The following CELF2 variants were observed in gnomAD, a reference collection of about 807,000 sequenced individuals.
The protein encoded by CELF2 is CUG triplet repeat RNA-binding protein 2.
CELF2 carries 8 observed loss-of-function variants against 62.6 expected under a neutral mutation model. The observed-to-expected ratio is 0.13, with a 90% CI of 0.07 to 0.23. The LOEUF (loss-of-function observed/expected upper bound fraction) is 0.23. Among genes scored for constraint, CELF2 ranks in the 10% least tolerant of loss-of-function variants. The probability of loss-of-function intolerance (pLI) is 1.00; values close to 1 mark genes in which losing one functional copy is unlikely to be tolerated. For missense variants in CELF2, 333 were observed against 671.0 expected (o/e 0.50, Z 5.56); for synonymous variants, 258 against 250.0 (o/e 1.03, Z -0.30).
At chr10:10,556,928 T>C in the CELF2 span, among the ~76,000 whole-genome samples, 2 of 140,864 alleles carry the variant, frequency 1.4e-5, no homozygotes, top group African/African-American at 5.4e-5. Flanking sequence ...AGATTCTGGA[T>C]ATTAGCCCTT....
At chr10:10,849,133 A>C (rs2059208882) in intron 1 of CELF2, among the ~76,000 whole-genome samples, 2 of 152,166 alleles carry the variant, frequency 1.3e-5, no homozygotes, top group South Asian at 4.1e-4. Context: ...ATGGTGGCTC[A>C]CGTCTGTAAT....
At chr10:10,916,196 A>G (rs1180612549) in intron 1 of CELF2, among the ~76,000 whole-genome samples, 2 of 152,236 alleles carry the variant, frequency 1.3e-5, no homozygotes, top group African/African-American at 4.8e-5. Flanking sequence ...ATAAAAACAA[A>G]CAAATGGTCA....
At chr10:11,186,693 T>A (rs1435927543) in intron 2 of CELF2, among the ~76,000 whole-genome samples, 1 of 152,162 alleles carries the variant, frequency 6.6e-6, no homozygotes, top group Non-Finnish European at 1.5e-5. Flanking sequence ...AGTACTGACA[T>A]GATGTTCAAA....
chr10:11,117,509 T>G lies in CELF2; in HGVS notation c.75-47977T>G, dbSNP rs556013572. Among the ~76,000 whole-genome samples the G allele has an allele frequency of 6.6e-6, 1 of 152,302 alleles. No individual in the cohort carries two copies. Among genetic ancestry groups the G allele is most frequent in the East Asian group, 1.9e-4 (1 of 5,186 alleles). ...GCTCTGCAGCAGCTCTAGAGGCCAC[T>G]CCTTTAGACCTAGGTCCATCTTGAG... On this transcript the variant is annotated intron_variant, in intron 1 of 12. Coordinates refer to ENST00000633077, the MANE Select transcript of CELF2 (RefSeq NM_001326342.2). This position sits in a 1 kb window ranked among gnomAD's most constrained non-coding sequence, Gnocchi z 4.1.
chr10:11,037,348 T>G (rs1437581236), intron 1 of CELF2, among the ~76,000 whole-genome samples: 3 of 152,204 alleles, frequency 2.0e-5, no homozygotes, highest in African/African-American at 7.2e-5. Flanking sequence ...CCATGACATG[T>G]GGGGGTCATT....
intron 2 of CELF2, among the ~76,000 whole-genome samples, chr10:10,933,459 C>T (rs2066304319): frequency 6.6e-6 from 1 of 152,122 alleles, no homozygotes; most frequent in Admixed American, 6.5e-5. Flanking sequence ...TTTAAAATTA[C>T]CTGTTTTGAA....
Position 11,191,803 on chromosome 10 carries a change from G to A in CELF2, c.272-25622G>A, listed in dbSNP as rs1397891856. Among the ~76,000 whole-genome samples the A allele has an allele frequency of 6.6e-6, 1 of 152,168 alleles. No individual in the cohort carries two copies. The highest frequency in any genetic ancestry group is 2.4e-5 in the African/African-American group (1 of 41,424). On this transcript the variant is annotated intron_variant, in intron 2 of 12. Coordinates refer to ENST00000633077, the MANE Select transcript of CELF2 (RefSeq NM_001326342.2). This position sits in a 1 kb window ranked among gnomAD's most constrained non-coding sequence, Gnocchi z 4.1. ...CGATGATCCAAAATCTGAGTGTGGA[G>A]AAACGGATCCCCAGTGAAGGAGGAG...
chr10:10,530,686 C>T, the CELF2 span, among the ~76,000 whole-genome samples: 1 of 152,206 alleles, frequency 6.6e-6, no homozygotes, highest in South Asian at 2.1e-4. Flanking sequence ...TAACATAAAA[C>T]TATCACGTAT....
the CELF2 span, among the ~76,000 whole-genome samples, chr10:10,772,316 A>G: frequency 6.6e-6 from 1 of 152,128 alleles, no homozygotes; most frequent in Admixed American, 6.5e-5. Context: ...GAATCTTTTG[A>G]GCTCTCTAAG....
the CELF2 span, among the ~76,000 whole-genome samples, chr10:10,535,590 G>A: frequency 1.3e-5 from 2 of 152,158 alleles, no homozygotes; most frequent in Non-Finnish European, 2.9e-5. Flanking sequence ...CATGGTGGCG[G>A]GCGCCTGTAA....
chr10:10,880,109 G>A (rs1160935067), intron 1 of CELF2, among the ~76,000 whole-genome samples: 9 of 152,194 alleles, frequency 5.9e-5, no homozygotes, highest in Admixed American at 5.9e-4. Context: ...TAAATCGTAA[G>A]TCTAGGAATA....
At chr10:10,626,932 G>A in the CELF2 span, among the ~76,000 whole-genome samples, 2 of 152,162 alleles carry the variant, frequency 1.3e-5, no homozygotes, top group Non-Finnish European at 1.5e-5. Context: ...AAATCCTAGC[G>A]CAAGGCGGGC....
At chr10:10,937,121 C>CTTTTTTTTTTTTTT (rs373143426) in intron 2 of CELF2, among the ~76,000 whole-genome samples, 6 of 90,538 alleles carry the variant, frequency 6.6e-5, no homozygotes, top group Non-Finnish European at 1.0e-4. Flanking sequence ...TTTTTCTTTT[C>CTTTTTTTTTTTTTT]TTTTTTTTTT....
At chr10:10,632,968 A>T in the CELF2 span, among the ~76,000 whole-genome samples, 1 of 152,226 alleles carries the variant, frequency 6.6e-6, no homozygotes. Flanking sequence ...TCATATCAGT[A>T]AATACAGAGA....
chr10:11,087,287 C>T (rs370599870), intron 1 of CELF2, among the ~76,000 whole-genome samples: 79 of 152,162 alleles, frequency 5.2e-4, no homozygotes, highest in African/African-American at 1.7e-3. Context: ...AGATGTGTTT[C>T]GTATATATTG....
intron 2 of CELF2, among the ~76,000 whole-genome samples, chr10:11,187,163 T>C (rs1431305894): frequency 6.6e-6 from 1 of 152,232 alleles, no homozygotes; most frequent in Non-Finnish European, 1.5e-5. Context: ...CGTGTATTTG[T>C]GTATTTCTCC....
At chr10:11,176,811 A>G (rs1006524715) in intron 2 of CELF2, among the ~76,000 whole-genome samples, 3 of 152,140 alleles carry the variant, frequency 2.0e-5, no homozygotes, top group Non-Finnish European at 2.9e-5. Context: ...AATTTTTTCA[A>G]TGTTTATCCC....
chr10:10,515,748 T>C, the CELF2 span, among the ~76,000 whole-genome samples: 1 of 152,218 alleles, frequency 6.6e-6, no homozygotes, highest in Non-Finnish European at 1.5e-5. Flanking sequence ...TATCGCCATT[T>C]AGTAGGCATG....
chr10:10,498,701 T>C, the CELF2 span, among the ~76,000 whole-genome samples: 1 of 152,140 alleles, frequency 6.6e-6, no homozygotes, highest in African/African-American at 2.4e-5. Context: ...AAAAACACAA[T>C]GTAACAAGCC....
Sources: allele counts gnomAD v4.1 joint callset (sites outside exome capture counted in the v4.1 genomes callset), GRCh38; gene constraint gnomAD v4.1.1; non-coding constraint Gnocchi (gnomAD v3.1); transcripts MANE v1.5; gene names NCBI Gene and HGNC (gene_info 2026-07-23, HGNC 2026-07-21).